The following COMP variants were observed in gnomAD, a reference collection of about 807,000 sequenced individuals.
COMP encodes the protein cartilage oligomeric matrix protein (pseudoachondroplasia, epiphyseal dysplasia 1, multiple).
In COMP, 79 loss-of-function variants were observed where a neutral mutation model predicts 95.8. The observed-to-expected ratio is 0.82, with a 90% CI of 0.69 to 0.99. The LOEUF is 0.99. Among genes scored for constraint, COMP ranks in the 50% least tolerant of loss-of-function variants. The pLI is 0.00. For synonymous variants in COMP, 438 were observed against 433.9 expected (o/e 1.01, Z -0.12); for missense variants, 906 against 1,076.1 (o/e 0.84, Z 2.21).
At chr19:18,785,330 TCTC>T (rs2055157416) in intron 15 of COMP, among the ~76,000 whole-genome samples, 165 bp downstream of exon 15, 3 of 145,520 alleles carry the variant, frequency 2.1e-5, no homozygotes, top group South Asian at 4.4e-4. Context: ...CCCCGCGCCT[TCTC>T]CTCCCGGGCC....
Position 18,785,689 on chromosome 19 carries a change from C to T in COMP, c.1652G>A (p.Trp551Ter). Reference sequence around the variant, plus strand: ...CGCTCCCACCTGGTTGAGCACCACCCAGTTGGGGTCAATCTGCGCGTCACC... The same window carrying T: ...CGCTCCCACCTGGTTGAGCACCACCTAGTTGGGGTCAATCTGCGCGTCACC... ...PEGDAQIDPNWVVLNQGREIV... is the reference protein window; with the variant it reads ...PEGDAQIDPN The change falls in exon 14 of 19, where the codon TGG (tryptophan) becomes TAG (stop). Residue 551 changes from tryptophan to a stop codon, truncating the protein, a stop_gained. Coordinates refer to ENST00000222271, the MANE Select transcript of COMP (RefSeq NM_000095.3). LOFTEE classifies it high-confidence loss of function. 1 of 1,613,516 alleles carries T rather than the reference C, an allele frequency of 6.2e-7. No individual in the cohort carries two copies. Among genetic ancestry groups the T allele is most frequent in the Non-Finnish European group, 8.5e-7 (1 of 1,180,022 alleles).
chr19:18,790,824 C>T (rs1381574044), intron 2 of COMP, 26 bp downstream of exon 2: 1 of 1,554,372 alleles, frequency 6.4e-7, no homozygotes, highest in Admixed American at 1.9e-5. Context: ...CCCTGGCACT[C>T]CCTGCCCCGC....
rs987402262 is a variant in COMP at position 18,784,326 on chromosome 19, C to T, written c.1952G>A (p.Arg651Gln). Residue 651 changes from arginine (R) to glutamine (Q), a missense_variant, in exon 17 of 19, where the codon CGG becomes CAG. By Grantham distance (43) the Arg-to-Gln change is conservative. Transcript: ENST00000222271. The surrounding 1 kb of genome is among the most constrained non-coding windows in gnomAD (Gnocchi z 4.9). ...GTCTCCTGTATGCCACAGAGCGTTCCGCAGCTGTTCCCCGGGGCCTGTGGA... is the reference window on the plus strand; with the variant it reads ...GTCTCCTGTATGCCACAGAGCGTTCTGCAGCTGTTCCCCGGGGCCTGTGGA... ...KSSTGPGEQL[R>Q]NALWHTGDTE... 18 of 1,613,958 alleles carry T rather than the reference C, an allele frequency of 1.1e-5. No individual in the cohort carries two copies. The highest frequency in any genetic ancestry group is 1.7e-5 in the Admixed American group (1 of 59,998).
At position 18,784,394 on chromosome 19, in the gene COMP, C is replaced by T. The variant is rs1036667154; in HGVS notation, c.1915-31G>A. ...AATACCCAGGAAAGGTGGTCAGAGA[C>T]CTCGTGGGCCACCGGAGCCCCCCTA... On this transcript the variant is annotated intron_variant, in intron 16 of 18. Transcript: ENST00000222271. The surrounding 1 kb of genome is among the most constrained non-coding windows in gnomAD (Gnocchi z 4.9). The T allele has an allele frequency of 2.5e-6, 4 of 1,613,086 alleles. No homozygotes were observed. In the African/African-American group the frequency reaches 5.3e-5, roughly 22 times the overall value.
chr19:18,782,962 C>G lies in COMP; in HGVS notation c.2228-1G>C. The stretch of plus-strand genomic sequence containing the variant: ...GTCTCATAGTCCTCTGGGATGGTGT[C>G]TGCAGGGAGAGGGCAGGCGGGTGAG... On this transcript the variant is annotated splice_acceptor_variant, in intron 18 of 18. Coordinates refer to ENST00000222271, the MANE Select transcript of COMP (RefSeq NM_000095.3). LOFTEE classifies it high-confidence loss of function. The G allele has an allele frequency of 6.2e-7, 1 of 1,612,782 alleles. No homozygotes were observed. Among genetic ancestry groups the G allele is most frequent in the Non-Finnish European group, 8.5e-7 (1 of 1,179,984 alleles).
Position 18,785,016 on chromosome 19 carries a change from G to C in COMP, c.1794C>G (p.Gly598=). 6.2e-7 allele frequency: 1 copy of C among 1,614,100 alleles called. No individual in the cohort carries two copies. The highest frequency in any genetic ancestry group is 1.1e-5 in the South Asian group (1 of 91,084). The change falls in exon 16 of 19, where the codon GGC becomes GGG. Residue 598 remains glycine (G), a synonymous_variant. Transcript: ENST00000222271. Reference sequence around the variant, plus strand: ...AGCTGTCCTGGTAGCCAAAGATGAAGCCCGCATAGTCGTCATCCGTGACCG... The same window carrying C: ...AGCTGTCCTGGTAGCCAAAGATGAACCCCGCATAGTCGTCATCCGTGACCG... ...VNTVTDDDYA[G]FIFGYQDSSS...
Position 18,786,166 on chromosome 19 carries a change from T to A in COMP, c.1308-20A>T, listed in dbSNP as rs1181571281. ...CCATCCCTAGAGTGGATAGGTGGGA[T>A]CCAGAGACAATGAGCTCTCCAGAGC... On this transcript the variant is annotated intron_variant, in intron 12 of 18. Coordinates refer to ENST00000222271, the MANE Select transcript of COMP (RefSeq NM_000095.3). 7 of 1,614,106 alleles carry A rather than the reference T, an allele frequency of 4.3e-6. No homozygotes were observed. Among genetic ancestry groups the A allele is most frequent in the Non-Finnish European group, 5.9e-6 (7 of 1,180,030 alleles).
Position 18,788,172 on chromosome 19 carries a change from G to A in COMP, c.975+40C>T. On this transcript the variant is annotated intron_variant, in intron 9 of 18. Coordinates refer to ENST00000222271, the MANE Select transcript of COMP (RefSeq NM_000095.3). The surrounding 1 kb of genome is among the most constrained non-coding windows in gnomAD (Gnocchi z 4.7). Reference sequence around the variant, plus strand: ...CCGCCTCGGCCTCCCAAAGTGCTGGGATTACAGGAGTGAACCACCGTGCCG... The same window carrying A: ...CCGCCTCGGCCTCCCAAAGTGCTGGAATTACAGGAGTGAACCACCGTGCCG... The A allele has an allele frequency of 6.5e-7, 1 of 1,544,262 alleles. No individual in the cohort carries two copies.
chr19:18,790,444 C>A, intron 3 of COMP, 118 bp downstream of exon 3: 2 of 1,310,958 alleles, frequency 1.5e-6, no homozygotes, highest in South Asian at 2.3e-5. Context: ...TCCACCTCTC[C>A]GTCAGCCTCC....
intron 9 of COMP, 91 bp from the exon 10 acceptor site, chr19:18,787,741 T>A: frequency 6.4e-7 from 1 of 1,568,664 alleles, no homozygotes; most frequent in Non-Finnish European, 8.7e-7. Context: ...ACGCGTCTCC[T>A]CCTCAAGGAA....
Position 18,788,959 on chromosome 19 carries a change from CG to C in COMP, c.529-47del. ...GGTCACCACCCCACGCAGACACCTC[CG>C]GACCTCCCACCTCCTCCACACTTCC... On this transcript the variant is annotated intron_variant, in intron 5 of 18. Coordinates refer to ENST00000222271, the MANE Select transcript of COMP (RefSeq NM_000095.3). This position sits in a 1 kb window ranked among gnomAD's most constrained non-coding sequence, Gnocchi z 4.7. The C allele has an allele frequency of 6.3e-7, 1 of 1,599,116 alleles. No homozygotes were observed. Among genetic ancestry groups the C allele is most frequent in the Non-Finnish European group, 8.5e-7 (1 of 1,170,526 alleles).
Position 18,788,928 on chromosome 19 carries a change from C to T in COMP, c.529-15G>A. The T allele has an allele frequency of 6.2e-7, 1 of 1,612,592 alleles. No individual in the cohort carries two copies. Among genetic ancestry groups the T allele is most frequent in the Non-Finnish European group, 8.5e-7 (1 of 1,179,622 alleles). On this transcript the variant is annotated splice_polypyrimidine_tract_variant and intron_variant, in intron 5 of 18. Coordinates refer to ENST00000222271, the MANE Select transcript of COMP (RefSeq NM_000095.3). The surrounding 1 kb of genome is among the most constrained non-coding windows in gnomAD (Gnocchi z 4.7). ...TCCGTGCAAACCTAGGGGAGGGGAA[C>T]TCAGAGGTCACCACCCCACGCAGAC...
rs1320877397 is a variant in COMP at position 18,787,339 on chromosome 19, T to A, written c.1135+152A>T. The A allele has an allele frequency of 2.5e-5, 28 of 1,132,400 alleles. No individual in the cohort carries two copies. In the East Asian group the frequency reaches 7.2e-4, roughly 29 times the overall value. The allele number at this position is 1,132,400 out of a possible 1,614,324, so 70.1% of individuals were successfully genotyped here. A position where few individuals can be genotyped will look rare whatever the true frequency, so the allele number is the denominator to read the frequency against. Reference sequence around the variant, plus strand: ...TGGCCTTGCAGCCCAGCTTGCATTTTTCTGGCGCCCCACCATGGTCTTTGG... The same window carrying A: ...TGGCCTTGCAGCCCAGCTTGCATTTATCTGGCGCCCCACCATGGTCTTTGG... On this transcript the variant is annotated intron_variant, in intron 10 of 18. Transcript: ENST00000222271.
Position 18,788,434 on chromosome 19 carries a change from G to A in COMP, c.843C>T (p.Arg281=), listed in dbSNP as rs890081609. The A allele has an allele frequency of 7.1e-7, 1 of 1,417,906 alleles. No homozygotes were observed. The highest frequency in any genetic ancestry group is 1.5e-5 in the African/African-American group (1 of 67,888). The allele number at this position is 1,417,906 out of a possible 1,614,324, so 87.8% of individuals were successfully genotyped here. A position where few individuals can be genotyped will look rare whatever the true frequency, so the allele number is the denominator to read the frequency against. ...CCTTACGGCACTGGCGCTCCGGGCA[G>A]CGCAGCTTCTCGTCCGGGAAGCCGT... ...DLDGFPDEKL[R]CPERQCRKDN... Residue 281 remains arginine (R), a synonymous_variant, in exon 8 of 19, where the codon CGC becomes CGT. Coordinates refer to ENST00000222271, the MANE Select transcript of COMP (RefSeq NM_000095.3). The surrounding 1 kb of genome is among the most constrained non-coding windows in gnomAD (Gnocchi z 4.7).
chr19:18,789,286 G>A lies in COMP; in HGVS notation c.402C>T (p.His134=), dbSNP rs1251416969. 6.7e-7 allele frequency: 1 copy of A among 1,496,964 alleles called. No homozygotes were observed. The highest frequency in any genetic ancestry group is 8.9e-7 in the Non-Finnish European group (1 of 1,126,480). The allele number at this position is 1,496,964 out of a possible 1,614,324, so 92.7% of individuals were successfully genotyped here. A position where few individuals can be genotyped will look rare whatever the true frequency, so the allele number is the denominator to read the frequency against. The change falls in exon 5 of 19, where the codon CAC becomes CAT. Residue 134 remains histidine (H), a synonymous_variant. Coordinates refer to ENST00000222271, the MANE Select transcript of COMP (RefSeq NM_000095.3). This position sits in a 1 kb window ranked among gnomAD's most constrained non-coding sequence, Gnocchi z 6.1. The part of the protein sequence containing the change: ...HCTDVNECNA[H]PCFPRVRCIN... ...TACAGCGGACTCGGGGGAAGCAGGG[G>A]TGGGCGTTGCACTGGGGGAGGAGGG...
chr19:18,783,280 AC>A (rs2055139095), intron 17 of COMP, 87 bp from the exon 18 acceptor site: 1 of 1,547,234 alleles, frequency 6.5e-7, no homozygotes, highest in South Asian at 1.2e-5. Context: ...GAAGATGGGT[AC>A]CCCTGACTGG....
In COMP at chr19:18,784,564, C is replaced by G. The variant is rs1246937122; in HGVS notation, c.1915-201G>C. ...AGGGGGCAGCAGTGGTCTGCAGGTT[C>G]ATGAGAGGATTTGGGAGTCCGTGGA... On this transcript the variant is annotated intron_variant, in intron 16 of 18. Transcript: ENST00000222271. The surrounding 1 kb of genome is among the most constrained non-coding windows in gnomAD (Gnocchi z 4.9). Among the ~76,000 whole-genome samples the G allele has an allele frequency of 6.6e-6, 1 of 152,038 alleles. No homozygotes were observed. Among genetic ancestry groups the G allele is most frequent in the Non-Finnish European group, 1.5e-5 (1 of 68,000 alleles).
Position 18,789,031 on chromosome 19 carries a change from C to A in COMP, c.529-118G>T. The A allele has an allele frequency of 6.5e-7, 1 of 1,539,878 alleles. No individual in the cohort carries two copies. The highest frequency in any genetic ancestry group is 8.8e-7 in the Non-Finnish European group (1 of 1,132,472). ...TCCATCCTGCCCCAAACCGATCAGC[C>A]CTGGCGCAGCGGACCCCTCCTCTCC... On this transcript the variant is annotated intron_variant, in intron 5 of 18. Coordinates refer to ENST00000222271, the MANE Select transcript of COMP (RefSeq NM_000095.3). The surrounding 1 kb of genome is among the most constrained non-coding windows in gnomAD (Gnocchi z 6.1).
chr19:18,782,952 G>A lies in COMP; in HGVS notation c.2237C>T (p.Pro746Leu). Reference protein sequence around the residue: ...NLRYRCNDTIPEDYETHQLRQ... With the variant: ...NLRYRCNDTILEDYETHQLRQ... ...CAGCTGATGGGTCTCATAGTCCTCT[G>A]GGATGGTGTCTGCAGGGAGAGGGCA... The change falls in exon 19 of 19, where the codon CCA becomes CTA. Residue 746 changes from proline (P) to leucine (L), a missense_variant. Transcript: ENST00000222271. 6.2e-7 allele frequency: 1 copy of A among 1,612,802 alleles called. No homozygotes were observed. Among genetic ancestry groups the A allele is most frequent in the Admixed American group, 1.7e-5 (1 of 60,026 alleles).
Sources: allele counts gnomAD v4.1 joint callset (sites outside exome capture counted in the v4.1 genomes callset), GRCh38; gene constraint gnomAD v4.1.1; non-coding constraint Gnocchi (gnomAD v3.1); transcripts MANE v1.5; gene names NCBI Gene and HGNC (gene_info 2026-07-23, HGNC 2026-07-21).